The following AGBL1 variants were observed in gnomAD, a reference collection of about 807,000 sequenced individuals.
AGBL1 encodes the protein AGBL carboxypeptidase 1, also known as cytosolic carboxypeptidase 4.
In AGBL1, 130 loss-of-function variants were observed where a neutral mutation model predicts 118.9. The ratio of observed to expected loss-of-function variants is 1.09; its 90% CI spans 0.95 to 1.26. AGBL1 has a LOEUF of 1.26. Among genes scored for constraint, AGBL1 ranks in the 50% most tolerant of loss-of-function variants. The probability of loss-of-function intolerance (pLI) is 0.00; values close to 1 mark genes in which losing one functional copy is unlikely to be tolerated. For missense variants in AGBL1, 1,584 were observed against 1,298.1 expected (o/e 1.22, Z -3.38); for synonymous variants, 555 against 478.9 (o/e 1.16, Z -2.08).
At chr15:86,927,451 T>C (rs1468533884) in intron 23 of AGBL1, among the ~76,000 whole-genome samples, 1 of 148,950 alleles carries the variant, frequency 6.7e-6, no homozygotes, top group Non-Finnish European at 1.5e-5. Context: ...CCAGGTGTGG[T>C]GGCACAGGCC....
chr15:87,018,948 CAG>C (rs2081634560), intron 24 of AGBL1, among the ~76,000 whole-genome samples: 2 of 151,686 alleles, frequency 1.3e-5, no homozygotes, highest in Admixed American at 1.3e-4. Flanking sequence ...AAATGGAAAA[CAG>C]AGAAAAGCAG....
chr15:86,409,517 C>G (rs1450632006), intron 18 of AGBL1, among the ~76,000 whole-genome samples: 1 of 152,116 alleles, frequency 6.6e-6, no homozygotes, highest in Admixed American at 6.5e-5. Context: ...CTCCATTTGC[C>G]TTCCTCAGAC....
intron 1 of AGBL1, chr15:86,140,159 T>G (rs996958742): frequency 6.4e-6 from 1 of 156,168 alleles, no homozygotes; most frequent in African/African-American, 2.4e-5. Context: ...GGGGTACTTC[T>G]CAAACACCCG....
chr15:87,010,709 C>CTAAG (rs2081550751), intron 24 of AGBL1, among the ~76,000 whole-genome samples: 1 of 152,206 alleles, frequency 6.6e-6, no homozygotes, highest in Admixed American at 6.5e-5. Context: ...TAGACTTGGA[C>CTAAG]TAAGCTATGC....
At position 86,325,214 on chromosome 15, in the gene AGBL1, A is replaced by C. The variant is rs140789168; in HGVS notation, c.2374+29806A>C. Among the ~76,000 whole-genome samples the C allele has an allele frequency of 8.6e-3, 1,312 of 152,322 alleles. 8 individuals carry two copies. Among genetic ancestry groups the C allele is most frequent in the Non-Finnish European group, 0.013 (892 of 68,024 alleles). ...TTTTGTAATAGTGTGGACAAAAAATAATGAGTATAATTGGGAATTCTAGGA... is the reference window on the plus strand; with the variant it reads ...TTTTGTAATAGTGTGGACAAAAAATCATGAGTATAATTGGGAATTCTAGGA... On this transcript the variant is annotated intron_variant, in intron 17 of 22. Transcript: ENST00000614907.
rs529418626 is a variant in AGBL1 at position 86,275,997 on chromosome 15, C to G, written c.2076-3642C>G. On this transcript the variant is annotated intron_variant, in intron 15 of 22. Coordinates refer to ENST00000614907, the MANE Select transcript of AGBL1 (RefSeq NM_001386094.1). Reference sequence around the variant, plus strand: ...AGATAAAATAACATGAGATAAAACACGTGTAAAGGTTAGAACAGTGTCTAG... The same window carrying G: ...AGATAAAATAACATGAGATAAAACAGGTGTAAAGGTTAGAACAGTGTCTAG... Among the ~76,000 whole-genome samples the G allele has an allele frequency of 3.3e-5, 5 of 152,162 alleles. No homozygotes were observed. The South Asian group carries it at 1.0e-3, about 32-fold the overall frequency.
intron 19 of AGBL1, among the ~76,000 whole-genome samples, chr15:86,528,110 A>T (rs529807105): frequency 6.6e-6 from 1 of 152,194 alleles, no homozygotes; most frequent in African/African-American, 2.4e-5. Flanking sequence ...AGGAGCCAAG[A>T]TGGCCGAATA....
At chr15:86,207,544 A>G (rs2078015119) in intron 5 of AGBL1, among the ~76,000 whole-genome samples, 1 of 152,006 alleles carries the variant, frequency 6.6e-6, no homozygotes, top group African/African-American at 2.4e-5. Flanking sequence ...TGTAAGTTGG[A>G]TTCCTAGGTA....
chr15:86,864,069 C>T (rs1241698492), intron 22 of AGBL1, among the ~76,000 whole-genome samples: 1 of 152,184 alleles, frequency 6.6e-6, no homozygotes, highest in Non-Finnish European at 1.5e-5. Context: ...GCACTTTTTA[C>T]TACTTAGGTA....
chr15:86,688,547 G>A (rs1368398387), intron 22 of AGBL1, among the ~76,000 whole-genome samples: 1 of 152,088 alleles, frequency 6.6e-6, no homozygotes, highest in Non-Finnish European at 1.5e-5. Flanking sequence ...CCGAATATAC[G>A]CAAGTGAGTG....
chr15:86,365,452 G>T (rs1596020925), intron 17 of AGBL1, among the ~76,000 whole-genome samples: 2 of 152,150 alleles, frequency 1.3e-5, no homozygotes, highest in Admixed American at 1.3e-4. Context: ...CCATGTCTTT[G>T]TTACCCAAGA....
At chr15:86,975,797 T>A (rs1406736807) in intron 23 of AGBL1, among the ~76,000 whole-genome samples, 1 of 152,156 alleles carries the variant, frequency 6.6e-6, no homozygotes, top group Non-Finnish European at 1.5e-5. Flanking sequence ...TCAGACTAAA[T>A]ATGATCGCAG....
intron 23 of AGBL1, among the ~76,000 whole-genome samples, chr15:86,938,302 C>T (rs998171548): frequency 2.0e-5 from 3 of 152,188 alleles, no homozygotes; most frequent in African/African-American, 7.2e-5. Flanking sequence ...GTCTTCCCAT[C>T]TTGCACGGGA....
chr15:86,697,698 C>G (rs1315354275), intron 22 of AGBL1, among the ~76,000 whole-genome samples: 1 of 151,786 alleles, frequency 6.6e-6, no homozygotes. Context: ...TTTCTGGTTC[C>G]TTTTCATTTG....
chr15:86,816,669 T>TA (rs556093155), intron 22 of AGBL1, among the ~76,000 whole-genome samples: 1,720 of 151,770 alleles, frequency 0.011, 24 homozygotes, highest in Middle Eastern at 0.061. Context: ...AAAGATGTAG[T>TA]AAAAAAAACA....
At chr15:86,112,478 T>C (rs1270340091) in intron 1 of AGBL1, among the ~76,000 whole-genome samples, 2 of 152,274 alleles carry the variant, frequency 1.3e-5, no homozygotes, top group Non-Finnish European at 2.9e-5. Flanking sequence ...CATTGTTCCA[T>C]TGTATTATGG....
chr15:86,264,390 A>T lies in AGBL1; in HGVS notation c.1219A>T (p.Arg407Ter). ...SKDQSSCGQE[R>*]EYAVQTSLLC... ...GGACCAAAGCTCCTGTGGGCAAGAA[A>T]GAGAATATGCTGTCCAGACTTCCCT... The change falls in exon 11 of 23, where the codon AGA (arginine) becomes TGA (stop). Residue 407 changes from arginine (R) to a stop codon, truncating the protein, a stop_gained. Transcript: ENST00000614907. LOFTEE classifies it high-confidence loss of function. 6.2e-7 allele frequency: 1 copy of T among 1,613,978 alleles called. No individual in the cohort carries two copies. Among genetic ancestry groups the T allele is most frequent in the Non-Finnish European group, 8.5e-7 (1 of 1,179,860 alleles).
In AGBL1 at chr15:86,431,511, A is replaced by G. The variant is rs189213505; in HGVS notation, c.2555+33965A>G. Among the ~76,000 whole-genome samples, 16 of 152,338 alleles carry G rather than the reference A, an allele frequency of 1.1e-4. No individual in the cohort carries two copies. In the East Asian group the frequency reaches 2.9e-3, roughly 28 times the overall value. On this transcript the variant is annotated intron_variant, in intron 18 of 22. Coordinates refer to ENST00000614907, the MANE Select transcript of AGBL1 (RefSeq NM_001386094.1). The stretch of plus-strand genomic sequence containing the variant: ...CCCAACCTTTGCGCTAATGCCGTCC[A>G]CAGTGTCTGCTTCTGTCTCCATAGG...
intron 22 of AGBL1, among the ~76,000 whole-genome samples, chr15:86,755,706 G>T (rs537220471): frequency 6.6e-6 from 1 of 152,198 alleles, no homozygotes; most frequent in Admixed American, 6.5e-5. Context: ...CTGCCTGACT[G>T]CATGGTTGTT....
Sources: gnomAD v4.1 joint callset for allele counts (sites outside exome capture counted in the v4.1 genomes callset) on GRCh38, gnomAD v4.1.1 for gene constraint, MANE v1.5 for transcripts, NCBI Gene and HGNC (gene_info 2026-07-23, HGNC 2026-07-21) for gene names.